Variants in DPP6 observed in about 807,000 individuals in gnomAD.
DPP6 encodes dipeptidyl peptidase like 6.
In DPP6, 69 loss-of-function variants were observed where a neutral mutation model predicts 122.6. The observed-to-expected ratio is 0.56, with a 90% CI of 0.46 to 0.69. The LOEUF is 0.69. DPP6 is among the 30% of genes least tolerant of loss of function. DPP6 has a pLI of 0.00. For missense variants in DPP6, 928 were observed against 1,116.9 expected, an observed-to-expected ratio of 0.83 and a Z score of 2.41; for synonymous variants, 418 against 433.1, an observed-to-expected ratio of 0.97 and a Z score of 0.43.
At chr7:154,858,395 G>T (rs1803016481) in intron 17 of DPP6, 1 of 152,270 alleles carries the variant, frequency 6.6e-6, no homozygotes, top group Non-Finnish European at 1.5e-5. Flanking sequence ...CAGACATGTG[G>T]TCATTGCATG....
At chr7:154,371,378 C>CAAAAAAAAAAAAAAAAA (rs1167770083) in intron 1 of DPP6, among the ~76,000 whole-genome samples, 16 of 47,710 alleles carry the variant, frequency 3.4e-4, no homozygotes, top group Admixed American at 6.6e-4. Context: ...AACTCTGTCT[C>CAAAAAAAAAAAAAAAAA]AAAAAAAAAA....
intron 16 of DPP6, among the ~76,000 whole-genome samples, chr7:154,851,308 G>A (rs1008164224): frequency 6.6e-5 from 10 of 152,056 alleles, no homozygotes; most frequent in Admixed American, 6.6e-4. Context: ...GTGAGGATTT[G>A]ATTAGAAATT....
chr7:154,041,022 A>G (rs1019039590), intron 1 of DPP6, among the ~76,000 whole-genome samples: 50 of 152,262 alleles, frequency 3.3e-4, no homozygotes, highest in Middle Eastern at 6.8e-3. Context: ...GCAGATAAAC[A>G]TAAGAGTGTT....
At chr7:153,798,907 C>T in the DPP6 span, among the ~76,000 whole-genome samples, 6 of 152,126 alleles carry the variant, frequency 3.9e-5, no homozygotes, top group Admixed American at 2.0e-4. Context: ...ATCCCTTACA[C>T]GGGTAGTTCA....
chr7:154,889,249 T>G, intron 23 of DPP6, 23 bp from the exon 24 acceptor site: 1 of 1,610,082 alleles, frequency 6.2e-7, no homozygotes, highest in Non-Finnish European at 8.5e-7. Flanking sequence ...CCTAACTCTG[T>G]CCCCTTGCCC....
chr7:154,615,083 C>A (rs1000765881), intron 5 of DPP6, among the ~76,000 whole-genome samples: 1 of 152,084 alleles, frequency 6.6e-6, no homozygotes, highest in South Asian at 2.1e-4. Context: ...TTTTGATTTT[C>A]CTGTACAGGA....
chr7:154,618,437 A>G lies in DPP6; in HGVS notation c.628-19384A>G, dbSNP rs1834410453. ...CACACACACTGTTGCTTGCCCAGACATGCTTCCCCTTTGTCTTGTTAGACC... is the reference window on the plus strand; with the variant it reads ...CACACACACTGTTGCTTGCCCAGACGTGCTTCCCCTTTGTCTTGTTAGACC... On this transcript the variant is annotated intron_variant, in intron 5 of 25. Transcript: ENST00000377770. This position sits in a 1 kb window ranked among gnomAD's most constrained non-coding sequence, Gnocchi z 4.1. Among the ~76,000 whole-genome samples the G allele has an allele frequency of 6.6e-6, 1 of 152,154 alleles. No individual in the cohort carries two copies. The highest frequency in any genetic ancestry group is 1.5e-5 in the Non-Finnish European group (1 of 68,022).
At chr7:153,780,359 C>CT in the DPP6 span, among the ~76,000 whole-genome samples, 117 of 151,980 alleles carry the variant, frequency 7.7e-4, no homozygotes, top group Non-Finnish European at 9.1e-4. Context: ...CTCTACTGAC[C>CT]TTTTTTTTAA....
chr7:154,640,677 G>A (rs1471847703), intron 6 of DPP6, among the ~76,000 whole-genome samples: 19 of 152,256 alleles, frequency 1.2e-4, no homozygotes, highest in Admixed American at 9.8e-4. Flanking sequence ...TCCACCAGGT[G>A]GCAGAAAAAG....
chr7:154,620,200 G>C (rs1834547949), intron 5 of DPP6, among the ~76,000 whole-genome samples: 1 of 152,112 alleles, frequency 6.6e-6, no homozygotes, highest in Admixed American at 6.6e-5. Context: ...TTTAACTCTG[G>C]GAAAATGTAA....
At position 154,218,443 on chromosome 7, in the gene DPP6, C is replaced by T. The variant is rs9791661; in HGVS notation, c.243+165380C>T. Among the ~76,000 whole-genome samples, 1,047 of 152,308 alleles carry T rather than the reference C, an allele frequency of 6.9e-3. 28 individuals carry two copies. In the East Asian group the frequency reaches 0.077, roughly 11 times the overall value. ...GTTTCCCTCAGAGTTAGGTACCCTG[C>T]ACATGTCGTTGTCACCTTTAGATGG... On this transcript the variant is annotated intron_variant, in intron 1 of 25. Transcript: ENST00000377770.
the DPP6 span, among the ~76,000 whole-genome samples, chr7:153,821,221 T>C: frequency 6.6e-6 from 1 of 152,082 alleles, no homozygotes. Flanking sequence ...TAAGCAACTA[T>C]AGACATGGAA....
intron 1 of DPP6, among the ~76,000 whole-genome samples, chr7:153,895,276 A>G (rs1307887480): frequency 1.3e-5 from 2 of 152,210 alleles, no homozygotes; most frequent in Non-Finnish European, 2.9e-5. Flanking sequence ...GCTGCCCTCG[A>G]CCAGCAGAAG....
At chr7:154,876,971 T>G (rs1804920468) in intron 20 of DPP6, 1 of 152,190 alleles carries the variant, frequency 6.6e-6, no homozygotes, top group Non-Finnish European at 1.5e-5. Flanking sequence ...ATCACCGTTA[T>G]GGGCAGGGGA....
chr7:154,387,888 A>G (rs1381400610), intron 1 of DPP6, among the ~76,000 whole-genome samples: 1 of 152,066 alleles, frequency 6.6e-6, no homozygotes, highest in East Asian at 1.9e-4. Context: ...TTGTTTCACA[A>G]TCTGACATCT....
intron 1 of DPP6, chr7:154,093,659 A>ACACACACACACAC (rs1805092362): frequency 1.4e-5 from 2 of 140,488 alleles, no homozygotes; most frequent in African/African-American, 5.4e-5. Context: ...CACACACATA[A>ACACACACACACAC]AAAAAAACTT....
chr7:154,389,138 G>A (rs1374588916), intron 1 of DPP6, among the ~76,000 whole-genome samples: 2 of 152,152 alleles, frequency 1.3e-5, no homozygotes, highest in African/African-American at 4.8e-5. Context: ...TCTGATTTAT[G>A]TAGAAACGTC....
At chr7:154,061,229 C>T (rs1183329562) in intron 1 of DPP6, among the ~76,000 whole-genome samples, 8 of 149,402 alleles carry the variant, frequency 5.4e-5, no homozygotes, top group South Asian at 4.2e-4. Context: ...ACAAAGGGGG[C>T]GGGGACCCGG....
At chr7:154,703,411 G>C (rs970657519) in intron 7 of DPP6, among the ~76,000 whole-genome samples, 2 of 152,124 alleles carry the variant, frequency 1.3e-5, no homozygotes, top group Non-Finnish European at 2.9e-5. Context: ...CTGGGGTCAG[G>C]AGTTCGAGAC....
Sources: allele counts gnomAD v4.1 joint callset (sites outside exome capture counted in the v4.1 genomes callset), GRCh38; gene constraint gnomAD v4.1.1; non-coding constraint Gnocchi (gnomAD v3.1); transcripts MANE v1.5; gene names NCBI Gene and HGNC (gene_info 2026-07-23, HGNC 2026-07-21).